The following RELN variants were observed in gnomAD, a reference collection of about 807,000 sequenced individuals.
The protein encoded by RELN is reelin.
Under a neutral mutation model 427.6 loss-of-function variants are expected in RELN, and 108 were observed. The ratio of observed to expected loss-of-function variants is 0.25; its 90% CI spans 0.22 to 0.30. The LOEUF (loss-of-function observed/expected upper bound fraction) is 0.30. Among genes scored for constraint, RELN ranks in the 10% least tolerant of loss-of-function variants. RELN has a pLI of 1.00. For synonymous variants in RELN, 1,524 were observed against 1,513.4 expected (o/e 1.01, Z -0.16); for missense variants, 3,715 against 4,302.8 (o/e 0.86, Z 3.82).
intron 53 of RELN, among the ~76,000 whole-genome samples, chr7:103,500,296 A>C (rs1043087007): frequency 3.9e-5 from 6 of 152,194 alleles, no homozygotes; most frequent in African/African-American, 1.4e-4. Flanking sequence ...AGAACACAGA[A>C]TTTTCTAAAC....
At chr7:103,671,644 A>G (rs1472067882) in intron 11 of RELN, among the ~76,000 whole-genome samples, 1 of 152,100 alleles carries the variant, frequency 6.6e-6, no homozygotes, top group Admixed American at 6.6e-5. Flanking sequence ...TACTTTTTTC[A>G]TGCTATAATT....
chr7:103,656,309 C>T (rs1018626654), intron 12 of RELN, among the ~76,000 whole-genome samples: 1 of 152,026 alleles, frequency 6.6e-6, no homozygotes. Context: ...TTTGGCATAT[C>T]TGAGTATACA....
intron 1 of RELN, among the ~76,000 whole-genome samples, chr7:103,981,946 C>T (rs1796998811): frequency 6.6e-6 from 1 of 152,078 alleles, no homozygotes; most frequent in African/African-American, 2.4e-5. Context: ...GCAGGTGGAC[C>T]ATCTGAGGTC....
intron 2 of RELN, among the ~76,000 whole-genome samples, chr7:103,912,677 C>T (rs1795396483): frequency 6.6e-6 from 1 of 152,022 alleles, no homozygotes; most frequent in Non-Finnish European, 1.5e-5. Flanking sequence ...TGAAATTTGG[C>T]TGCATTCATC....
chr7:103,841,807 T>C (rs1305565923), intron 2 of RELN, among the ~76,000 whole-genome samples: 1 of 152,166 alleles, frequency 6.6e-6, no homozygotes, highest in Non-Finnish European at 1.5e-5. Context: ...ATTGATAACA[T>C]TACACATTCA....
chr7:103,682,151 C>T lies in RELN; in HGVS notation c.1254G>A (p.Glu418=), dbSNP rs1355668313. 5.6e-6 allele frequency: 9 copies of T among 1,613,770 alleles called. No homozygotes were observed. The highest frequency in any genetic ancestry group is 7.6e-6 in the Non-Finnish European group (9 of 1,179,890). Residue 418 remains glutamate, a synonymous_variant, in exon 11 of 65, where the codon GAG becomes GAA. Coordinates refer to ENST00000428762, the MANE Select transcript of RELN (RefSeq NM_005045.4). ...DVDLSTEDIQ[E]QWSEEFESQP... ...GGCTCTCAAATTCTTCTGACCATTGCTCTTGAATATCTTCTGTGGAAAGAT... is the reference window on the plus strand; with the variant it reads ...GGCTCTCAAATTCTTCTGACCATTGTTCTTGAATATCTTCTGTGGAAAGAT...
In RELN at chr7:103,919,746, T is replaced by C. The variant is rs571604081; in HGVS notation, c.227-2561A>G. Among the ~76,000 whole-genome samples, 6 of 152,298 alleles carry C rather than the reference T, an allele frequency of 3.9e-5. No individual in the cohort carries two copies. The South Asian group carries it at 1.2e-3, about 32-fold the overall frequency. ...CTATTTTAGCCTCTCTAGTCTTAAC[T>C]CATCGCTTACATCCACAACCTGGTG... is the stretch of plus-strand genomic sequence containing the variant. On this transcript the variant is annotated intron_variant, in intron 1 of 64. Transcript: ENST00000428762.
rs574976566 is a variant in RELN, at chr7:103,714,745, T to A, written c.805+8395A>T. On this transcript the variant is annotated intron_variant, in intron 8 of 64. Transcript: ENST00000428762. ...GGTTACTGTATCGGATAATGCTTTGTGGCAGCCCAGGAGGGAAGTGTCCTG... is the reference window on the plus strand; with the variant it reads ...GGTTACTGTATCGGATAATGCTTTGAGGCAGCCCAGGAGGGAAGTGTCCTG... Among the ~76,000 whole-genome samples, 7 of 152,280 alleles carry A rather than the reference T, an allele frequency of 4.6e-5. No individual in the cohort carries two copies. In the East Asian group the frequency reaches 1.2e-3, roughly 25 times the overall value.
At chr7:103,691,556 T>G (rs148252413) in intron 10 of RELN, among the ~76,000 whole-genome samples, 1 of 152,158 alleles carries the variant, frequency 6.6e-6, no homozygotes, top group East Asian at 1.9e-4. Flanking sequence ...CTCACACCTG[T>G]AATCCCAGCA....
intron 1 of RELN, among the ~76,000 whole-genome samples, chr7:103,957,885 G>A (rs1427408166): frequency 1.3e-5 from 2 of 152,168 alleles, no homozygotes; most frequent in East Asian, 1.9e-4. Context: ...AAAAGCATTA[G>A]TAATAGTCTG....
At chr7:103,647,461 A>C (rs1382920104) in intron 16 of RELN, among the ~76,000 whole-genome samples, 1 of 151,668 alleles carries the variant, frequency 6.6e-6, no homozygotes, top group Non-Finnish European at 1.5e-5. Flanking sequence ...TACAATAGCT[A>C]CAAACAAAAT....
Position 103,482,841 on chromosome 7 carries a change from T to C in RELN, c.10280+32A>G, listed in dbSNP as rs566249652. 207 of 1,613,984 alleles carry C rather than the reference T, an allele frequency of 1.3e-4. 2 individuals are homozygous for C. The South Asian group carries it at 2.1e-3, about 16-fold the overall frequency. ...AAAGGAATTTCAAACCTTCCTGAAA[T>C]GGACATGGGATGCCATGTAATAGAT... On this transcript the variant is annotated intron_variant, in intron 63 of 64. Coordinates refer to ENST00000428762, the MANE Select transcript of RELN (RefSeq NM_005045.4).
chr7:103,731,426 A>G (rs75559117), intron 6 of RELN, among the ~76,000 whole-genome samples: 3,214 of 152,180 alleles, frequency 0.021, 44 homozygotes, highest in Non-Finnish European at 0.031. Flanking sequence ...TTACCATGTG[A>G]TAGGTGCTGA....
chr7:103,715,935 C>G (rs903788645), intron 8 of RELN, among the ~76,000 whole-genome samples: 4 of 152,360 alleles, frequency 2.6e-5, no homozygotes, highest in Admixed American at 2.6e-4. Context: ...CACCCGAATG[C>G]TCATGCCTGG....
chr7:103,613,441 A>G lies in RELN; in HGVS notation c.2703-1638T>C, dbSNP rs113421907. Among the ~76,000 whole-genome samples, 592 of 152,340 alleles carry G rather than the reference A, an allele frequency of 3.9e-3. 3 individuals carry two copies. Among genetic ancestry groups the G allele is most frequent in the Non-Finnish European group, 6.6e-3 (450 of 68,032 alleles). On this transcript the variant is annotated intron_variant, in intron 20 of 64. Coordinates refer to ENST00000428762, the MANE Select transcript of RELN (RefSeq NM_005045.4). Reference sequence around the variant, plus strand: ...GGATCCACAGGATGCAATCTGGAAAATATCAAGCTGTAGAATGCAATTTTT... The same window carrying G: ...GGATCCACAGGATGCAATCTGGAAAGTATCAAGCTGTAGAATGCAATTTTT...
chr7:103,931,112 A>C (rs1254788861), intron 1 of RELN, among the ~76,000 whole-genome samples: 1 of 151,950 alleles, frequency 6.6e-6, no homozygotes, highest in African/African-American at 2.4e-5. Flanking sequence ...GTGCATCCTT[A>C]ACTTTTATTA....
chr7:103,874,706 G>C (rs1338700208), intron 2 of RELN, among the ~76,000 whole-genome samples: 1 of 149,304 alleles, frequency 6.7e-6, no homozygotes, highest in South Asian at 2.3e-4. Flanking sequence ...GGAAATAAAA[G>C]AGGATACAAA....
intron 48 of RELN, among the ~76,000 whole-genome samples, chr7:103,521,123 C>G (rs1829699176): frequency 6.7e-6 from 1 of 150,050 alleles, no homozygotes; most frequent in Admixed American, 6.6e-5. Flanking sequence ...ACTACAGGCG[C>G]CCGCCACCGC....
At chr7:103,676,231 C>A (rs113397681) in intron 11 of RELN, among the ~76,000 whole-genome samples, 8,061 of 152,074 alleles carry the variant, frequency 0.053, 720 homozygotes, top group African/African-American at 0.18. Context: ...TGGGCAAAGG[C>A]TATGAACAGA....
Sources: gnomAD v4.1 joint callset for allele counts (sites outside exome capture counted in the v4.1 genomes callset) on GRCh38, gnomAD v4.1.1 for gene constraint, MANE v1.5 for transcripts, NCBI Gene and HGNC (gene_info 2026-07-23, HGNC 2026-07-21) for gene names.